The following LAMB4 variants were observed in gnomAD, a reference collection of about 807,000 sequenced individuals.
LAMB4 encodes laminin subunit beta 4, also known as laminin subunit beta-4.
LAMB4 carries 196 observed loss-of-function variants against 199.2 expected under a neutral mutation model. That is an observed-to-expected ratio of 0.98 (90% CI 0.88 to 1.11). The LOEUF is 1.11. Among genes scored for constraint, LAMB4 ranks in the 50% least tolerant of loss-of-function variants. The probability of loss-of-function intolerance (pLI) is 0.00; values close to 1 mark genes in which losing one functional copy is unlikely to be tolerated. For synonymous variants in LAMB4, 744 were observed against 770.6 expected, an observed-to-expected ratio of 0.97 and a Z score of 0.57; for missense variants, 2,080 against 2,171.2, an observed-to-expected ratio of 0.96 and a Z score of 0.83.
the LAMB4 span, among the ~76,000 whole-genome samples, chr7:108,015,566 C>A: frequency 6.6e-6 from 1 of 152,106 alleles, no homozygotes; most frequent in South Asian, 2.1e-4. Context: ...ATATCATATA[C>A]AACTAGTGTT....
At chr7:108,083,091 C>T (rs2037020608) in intron 14 of LAMB4, among the ~76,000 whole-genome samples, 1 of 152,198 alleles carries the variant, frequency 6.6e-6, no homozygotes, top group African/African-American at 2.4e-5. Flanking sequence ...GGAACATCGT[C>T]AATCCTTTGA....
chr7:108,025,564 G>A (rs774261898), intron 33 of LAMB4, among the ~76,000 whole-genome samples: 1 of 151,876 alleles, frequency 6.6e-6, no homozygotes, highest in Non-Finnish European at 1.5e-5. Flanking sequence ...GAGTAGCTGG[G>A]ATTACAGGCA....
intron 24 of LAMB4, 72 bp from the exon 25 acceptor site, chr7:108,056,079 CT>C: frequency 7.2e-7 from 1 of 1,382,370 alleles, no homozygotes; most frequent in South Asian, 1.4e-5. Context: ...AGAATCAGGT[CT>C]TTTCCTCTCT....
intron 17 of LAMB4, among the ~76,000 whole-genome samples, chr7:108,076,203 C>A: frequency 6.6e-6 from 1 of 151,794 alleles, no homozygotes; most frequent in East Asian, 1.9e-4. Flanking sequence ...CTTATATGAC[C>A]AGGAGTAGGG....
chr7:108,030,979 C>A lies in LAMB4; in HGVS notation c.4819G>T (p.Ala1607Ser). 1 of 1,611,690 alleles carries A rather than the reference C, an allele frequency of 6.2e-7. No individual in the cohort carries two copies. The highest frequency in any genetic ancestry group is 8.5e-7 in the Non-Finnish European group (1 of 1,178,774). The change falls in exon 32 of 34, where the codon GCT (alanine) becomes TCT (serine). Residue 1607 changes from alanine (A) to serine (S), a missense_variant and splice_region_variant. Transcript: ENST00000388781. Reference protein sequence around the residue: ...ITKIKKNVLQAENQTREMKSE... With the variant: ...ITKIKKNVLQSENQTREMKSE... Reference sequence around the variant, plus strand: ...TTCATTTCCCTGGTTTGATTTTCAGCCTGTTGTTGATTTAAAGACCAAAAA... The same window carrying A: ...TTCATTTCCCTGGTTTGATTTTCAGACTGTTGTTGATTTAAAGACCAAAAA...
At chr7:108,055,111 C>A (rs2150531626) in intron 25 of LAMB4, among the ~76,000 whole-genome samples, 1 of 151,790 alleles carries the variant, frequency 6.6e-6, no homozygotes, top group South Asian at 2.1e-4. Context: ...CTTTTTGTTA[C>A]AATCAATGGC....
intron 29 of LAMB4, among the ~76,000 whole-genome samples, chr7:108,038,889 C>T (rs2035322333): frequency 6.6e-6 from 1 of 152,024 alleles, no homozygotes; most frequent in Non-Finnish European, 1.5e-5. Context: ...GGGGGCTTGC[C>T]GTCAGGTGAG....
At chr7:108,087,567 G>C (rs1389258700) in intron 14 of LAMB4, among the ~76,000 whole-genome samples, 1 of 152,212 alleles carries the variant, frequency 6.6e-6, no homozygotes, top group African/African-American at 2.4e-5. Context: ...TGGAGCTTCT[G>C]TAGCCATGGG....
At chr7:108,016,591 G>T in the LAMB4 span, among the ~76,000 whole-genome samples, 1 of 152,122 alleles carries the variant, frequency 6.6e-6, no homozygotes, top group Non-Finnish European at 1.5e-5. Context: ...ACCTATTTTG[G>T]AATTTCTTAA....
chr7:108,025,160 G>A (rs982268222), intron 33 of LAMB4, among the ~76,000 whole-genome samples: 29 of 152,340 alleles, frequency 1.9e-4, no homozygotes, highest in Admixed American at 1.5e-3. Context: ...GGCATGTGCC[G>A]TGGCTGTTTT....
intron 17 of LAMB4, among the ~76,000 whole-genome samples, chr7:108,072,168 C>A (rs1243562666): frequency 6.6e-6 from 1 of 152,124 alleles, no homozygotes; most frequent in African/African-American, 2.4e-5. Flanking sequence ...ATTGGATATT[C>A]ATGAAGGAGA....
intron 14 of LAMB4, among the ~76,000 whole-genome samples, chr7:108,080,645 T>G (rs1046278866): frequency 6.6e-6 from 1 of 152,210 alleles, no homozygotes; most frequent in South Asian, 2.1e-4. Context: ...AACAATTATG[T>G]GCCAGCTCCT....
intron 6 of LAMB4, 104 bp from the exon 7 acceptor site, chr7:108,106,676 C>G: frequency 3.1e-6 from 2 of 649,342 alleles, no homozygotes; most frequent in Non-Finnish European, 5.3e-6. Flanking sequence ...GAAATCTTAC[C>G]ACTTCAGCCT....
chr7:108,126,652 C>T (rs926789944), intron 1 of LAMB4, among the ~76,000 whole-genome samples: 1 of 138,494 alleles, frequency 7.2e-6, no homozygotes, highest in African/African-American at 2.7e-5. Flanking sequence ...GCAAGCTCCG[C>T]TTCCCGGGTT....
intron 1 of LAMB4, among the ~76,000 whole-genome samples, chr7:108,127,267 C>G (rs1266957962): frequency 6.6e-6 from 1 of 150,524 alleles, no homozygotes; most frequent in East Asian, 2.0e-4. Flanking sequence ...GGTTAAGGCC[C>G]CGACATCAGT....
intron 25 of LAMB4, among the ~76,000 whole-genome samples, chr7:108,053,294 C>T (rs540099117): frequency 7.2e-5 from 11 of 152,222 alleles, no homozygotes; most frequent in African/African-American, 2.6e-4. Flanking sequence ...GGATTTAAAC[C>T]GGGTAGTTTG....
chr7:108,037,348 G>A (rs1215141847), intron 30 of LAMB4, 40 bp downstream of exon 30: 2 of 1,463,594 alleles, frequency 1.4e-6, no homozygotes, highest in South Asian at 1.2e-5. Flanking sequence ...TCAGCAGATG[G>A]TCTGTTAGAG....
downstream of LAMB4, among the ~76,000 whole-genome samples, chr7:108,023,196 T>C (rs1350588851): frequency 6.6e-6 from 1 of 152,242 alleles, no homozygotes; most frequent in Non-Finnish European, 1.5e-5. Context: ...TTGATGTATA[T>C]TATTTCTTAT....
At chr7:108,105,725 G>T (rs2037979322) in intron 8 of LAMB4, 92 bp downstream of exon 8, 4 of 1,097,902 alleles carry the variant, frequency 3.6e-6, no homozygotes, top group African/African-American at 1.5e-5. Context: ...TAGATTTGTT[G>T]ATCTCCATGT....
Sources: allele counts gnomAD v4.1 joint callset (sites outside exome capture counted in the v4.1 genomes callset), GRCh38; gene constraint gnomAD v4.1.1; transcripts MANE v1.5; gene names NCBI Gene and HGNC (gene_info 2026-07-23, HGNC 2026-07-21).